The following LRP1B variants were observed in gnomAD, a reference collection of about 807,000 sequenced individuals.
LRP1B encodes low-density lipoprotein receptor-related protein 1B.
In LRP1B, 217 loss-of-function variants were observed where a neutral mutation model predicts 556.6. That is an observed-to-expected ratio of 0.39 (90% CI 0.35 to 0.44). LRP1B has a LOEUF of 0.44. Among genes scored for constraint, LRP1B ranks in the 20% least tolerant of loss-of-function variants. The pLI, the probability that LRP1B is intolerant of heterozygous loss-of-function variation, is 1.00. For missense variants in LRP1B, 5,053 were observed against 5,620.8 expected (o/e 0.90, Z 3.23); for synonymous variants, 2,047 against 1,865.8 (o/e 1.10, Z -2.50).
At chr2:141,436,424 A>T (rs912919847) in intron 3 of LRP1B, among the ~76,000 whole-genome samples, 1 of 152,156 alleles carries the variant, frequency 6.6e-6, no homozygotes, top group African/African-American at 2.4e-5. Flanking sequence ...GATGGGAAAA[A>T]TGGGAGAGAT....
chr2:141,015,828 C>A lies in LRP1B; in HGVS notation c.2058G>T (p.Arg686=), dbSNP rs78806080. 95,013 of 1,613,432 alleles carry A rather than the reference C, an allele frequency of 0.059. 3,169 individuals are homozygous for A. Among genetic ancestry groups the A allele is most frequent in the South Asian group, 0.082 (7,489 of 91,074 alleles). ...GCATCTTTGAAGTCACAAAAATCTG[C>A]CGATTGAATCCATCCATCCAGGCCT... ...IEKAWMDGFN[R]QIFVTSKMLW... The change falls in exon 13 of 91, where the codon CGG becomes CGT. Residue 686 remains arginine, a synonymous_variant. Transcript: ENST00000389484.
intron 84 of LRP1B, among the ~76,000 whole-genome samples, chr2:140,293,884 A>C (rs534269633): frequency 6.1e-4 from 93 of 152,228 alleles, no homozygotes; most frequent in African/African-American, 2.2e-3. Context: ...AAGTTATTTA[A>C]CCTCTGTCTA....
intron 1 of LRP1B, among the ~76,000 whole-genome samples, chr2:141,929,950 C>T (rs75283753): frequency 0.017 from 2,472 of 141,478 alleles, 93 homozygotes; most frequent in African/African-American, 0.061. Flanking sequence ...ACAGTTAATG[C>T]AGCACAAGAA....
At chr2:140,636,607 C>T (rs1684079196) in intron 41 of LRP1B, among the ~76,000 whole-genome samples, 1 of 152,052 alleles carries the variant, frequency 6.6e-6, no homozygotes, top group South Asian at 2.1e-4. Context: ...ATTGTACTTA[C>T]ATATTTTAAA....
intron 29 of LRP1B, among the ~76,000 whole-genome samples, chr2:140,841,826 G>T (rs148439892): frequency 6.6e-6 from 1 of 151,654 alleles, no homozygotes; most frequent in African/African-American, 2.4e-5. Flanking sequence ...ACCTTTTCAA[G>T]AAAAAAAATG....
chr2:141,810,111 G>A (rs78704161), intron 2 of LRP1B, among the ~76,000 whole-genome samples, 168 bp downstream of exon 2: 51 of 119,576 alleles, frequency 4.3e-4, no homozygotes, highest in African/African-American at 1.0e-3. Context: ...AAGAAAGAAA[G>A]AAAAAGAAAG....
chr2:140,753,375 T>A (rs1314295358), intron 35 of LRP1B, among the ~76,000 whole-genome samples: 1 of 152,162 alleles, frequency 6.6e-6, no homozygotes, highest in Non-Finnish European at 1.5e-5. Context: ...AAAAATATTA[T>A]TTAAACTAAG....
At chr2:142,114,587 G>A (rs867741412) in intron 1 of LRP1B, among the ~76,000 whole-genome samples, 2 of 152,142 alleles carry the variant, frequency 1.3e-5, no homozygotes, top group South Asian at 4.1e-4. Flanking sequence ...ATTCGGTCAT[G>A]AAAAATAATA....
intron 3 of LRP1B, among the ~76,000 whole-genome samples, chr2:141,416,446 ATT>A (rs34512949): frequency 5.2e-4 from 54 of 103,402 alleles, no homozygotes; most frequent in East Asian, 5.1e-3. Flanking sequence ...TTTGACAGCC[ATT>A]TTTTTTTTTT....
rs74327729 is a variant in LRP1B at position 141,354,408 on chromosome 2, A to T, written c.344-99767T>A. Among the ~76,000 whole-genome samples, 612 of 152,186 alleles carry T rather than the reference A, an allele frequency of 4.0e-3. 4 individuals are homozygous for T. Among genetic ancestry groups the T allele is most frequent in the African/African-American group, 0.013 (548 of 41,504 alleles). On this transcript the variant is annotated intron_variant, in intron 3 of 90. Coordinates refer to ENST00000389484, the MANE Select transcript of LRP1B (RefSeq NM_018557.3). ...AACCTATATCCTTTACATAGAACAT[A>T]AAAGTATTATTAACTATTTATACCA...
intron 79 of LRP1B, among the ~76,000 whole-genome samples, chr2:140,331,810 C>T (rs1481886770): frequency 6.6e-6 from 1 of 151,688 alleles, no homozygotes; most frequent in African/African-American, 2.4e-5. Context: ...ATTCTTATGC[C>T]TTAGCCTCTC....
intron 7 of LRP1B, among the ~76,000 whole-genome samples, chr2:141,149,960 C>A (rs1354426526): frequency 6.6e-6 from 1 of 152,172 alleles, no homozygotes; most frequent in Non-Finnish European, 1.5e-5. Flanking sequence ...GTGTCTCTCA[C>A]AAATCTATTT....
At chr2:141,103,522 T>TTCTCTCTCTCTCTCTCTC (rs61008140) in intron 7 of LRP1B, among the ~76,000 whole-genome samples, 10,831 of 149,042 alleles carry the variant, frequency 0.073, 474 homozygotes, top group South Asian at 0.12. Context: ...AGCACACACA[T>TTCTCTCTCTCTCTCTCTC]TCTCTCTCTC....
intron 80 of LRP1B, among the ~76,000 whole-genome samples, chr2:140,325,213 A>T (rs1466048912): frequency 1.3e-5 from 2 of 152,016 alleles, no homozygotes. Flanking sequence ...ATGAGACAGT[A>T]AAAAATAGGA....
chr2:140,510,112 C>T (rs2104918135), intron 51 of LRP1B, 56 bp from the exon 52 acceptor site: 2 of 1,573,316 alleles, frequency 1.3e-6, no homozygotes, highest in Non-Finnish European at 1.7e-6. Context: ...TGGAAAATGT[C>T]TACCATTTAC....
At chr2:141,470,708 G>A (rs1381380461) in intron 3 of LRP1B, among the ~76,000 whole-genome samples, 2 of 152,140 alleles carry the variant, frequency 1.3e-5, no homozygotes, top group South Asian at 2.1e-4. Context: ...ATATCAAGCT[G>A]CTGTGTCAAA....
intron 1 of LRP1B, among the ~76,000 whole-genome samples, chr2:142,076,851 T>A (rs908027955): frequency 1.3e-5 from 2 of 152,084 alleles, no homozygotes; most frequent in Non-Finnish European, 2.9e-5. Flanking sequence ...AATGCAATAT[T>A]TATGATTGGA....
intron 13 of LRP1B, among the ~76,000 whole-genome samples, chr2:141,014,877 C>T (rs1697857867): frequency 6.6e-6 from 1 of 152,066 alleles, no homozygotes; most frequent in Admixed American, 6.6e-5. Context: ...CATCAATCAA[C>T]AACAGAGCAG....
chr2:140,743,965 CAAAAAA>C (rs780716758), intron 35 of LRP1B, among the ~76,000 whole-genome samples: 5 of 2,580 alleles, frequency 1.9e-3, no homozygotes, highest in East Asian at 8.2e-3. Flanking sequence ...GACTTGGTCT[CAAAAAA>C]AAAAAAAAAA....
Sources: allele counts gnomAD v4.1 joint callset (sites outside exome capture counted in the v4.1 genomes callset), GRCh38; gene constraint gnomAD v4.1.1; transcripts MANE v1.5; gene names NCBI Gene and HGNC (gene_info 2026-07-23, HGNC 2026-07-21).